HS3ST2: variants seen among roughly 807,000 people sequenced by gnomAD.
HS3ST2 encodes heparan sulfate-glucosamine 3-sulfotransferase 2.
HS3ST2 carries 17 observed loss-of-function variants against 26.3 expected under a neutral mutation model. The ratio of observed to expected loss-of-function variants is 0.65; its 90% CI spans 0.44 to 0.97. HS3ST2 has a LOEUF of 0.97. HS3ST2 is among the 50% of genes least tolerant of loss of function. The probability of loss-of-function intolerance (pLI) is 0.00; values close to 1 mark genes in which losing one functional copy is unlikely to be tolerated. For synonymous variants in HS3ST2, 237 were observed against 219.2 expected (o/e 1.08, Z -0.72); for missense variants, 402 against 501.2 (o/e 0.80, Z 1.89).
intron 1 of HS3ST2, among the ~76,000 whole-genome samples, chr16:22,905,040 G>A (rs1041276419): frequency 1.3e-5 from 2 of 152,138 alleles, no homozygotes; most frequent in Admixed American, 6.5e-5. Context: ...CTCCTCTTCC[G>A]CTCTTAATTA....
chr16:22,828,496 A>T (rs1901122714), intron 1 of HS3ST2, among the ~76,000 whole-genome samples: 1 of 152,168 alleles, frequency 6.6e-6, no homozygotes, highest in South Asian at 2.1e-4. Context: ...CAAAATCTGA[A>T]TCTCTCCGAC....
rs140325375 is a variant in HS3ST2 at position 22,864,214 on chromosome 16, G to A, written c.485+49119G>A. Among the ~76,000 whole-genome samples the A allele has an allele frequency of 3.6e-4, 55 of 152,276 alleles. 1 individual carries two copies. The highest frequency in any genetic ancestry group is 1.1e-3 in the African/African-American group (46 of 41,554). On this transcript the variant is annotated intron_variant, in intron 1 of 1. Coordinates refer to ENST00000261374, the MANE Select transcript of HS3ST2 (RefSeq NM_006043.2). Reference sequence around the variant, plus strand: ...ATAATTTCTTTTACTTCTGGAGGAGGTGTTATGATGGATGCCTGACCCTCA... The same window carrying A: ...ATAATTTCTTTTACTTCTGGAGGAGATGTTATGATGGATGCCTGACCCTCA...
intron 1 of HS3ST2, among the ~76,000 whole-genome samples, chr16:22,845,880 C>T (rs1901424384): frequency 1.3e-5 from 2 of 152,152 alleles, no homozygotes; most frequent in Admixed American, 6.5e-5. Context: ...ACAAAAGGCC[C>T]TTATTGTCTG....
chr16:22,842,574 T>C (rs1236019772), intron 1 of HS3ST2, among the ~76,000 whole-genome samples: 1 of 152,204 alleles, frequency 6.6e-6, no homozygotes, highest in South Asian at 2.1e-4. Context: ...TACTTATTTA[T>C]ATTTTTATCA....
intron 1 of HS3ST2, among the ~76,000 whole-genome samples, chr16:22,863,234 GT>G (rs1195683741): frequency 3.9e-5 from 6 of 152,190 alleles, no homozygotes; most frequent in African/African-American, 1.4e-4. Flanking sequence ...TTGCCGATTT[GT>G]TCCTGCCTTG....
chr16:22,822,104 A>T (rs1420671354), intron 1 of HS3ST2, among the ~76,000 whole-genome samples: 1 of 152,156 alleles, frequency 6.6e-6, no homozygotes, highest in African/African-American at 2.4e-5. Context: ...TGGCATAGTT[A>T]TTTGGGAGGG....
chr16:22,894,253 C>T (rs909175992), intron 1 of HS3ST2, among the ~76,000 whole-genome samples: 1 of 152,168 alleles, frequency 6.6e-6, no homozygotes, highest in African/African-American at 2.4e-5. Flanking sequence ...TAGCTTGGTG[C>T]CTCACCCCGT....
chr16:22,884,662 A>ATATATATATATATAT (rs1177910895), intron 1 of HS3ST2, among the ~76,000 whole-genome samples: 1 of 135,498 alleles, frequency 7.4e-6, no homozygotes, highest in Non-Finnish European at 1.6e-5. Flanking sequence ...AGAAAAAAAT[A>ATATATATATATATAT]TATATATATA....
chr16:22,848,614 C>T (rs767846395), intron 1 of HS3ST2, among the ~76,000 whole-genome samples: 2 of 152,172 alleles, frequency 1.3e-5, no homozygotes, highest in Non-Finnish European at 2.9e-5. Context: ...CCTTCACATA[C>T]GCCTCCACAA....
In HS3ST2 at chr16:22,903,638, A is replaced by G. The variant is rs138995437; in HGVS notation, c.486-11306A>G. ...CGAGGCAAGTGTTTACTGGGCACCT[A>G]CTATACACCAGGGGTACAAAGATAA... On this transcript the variant is annotated intron_variant, in intron 1 of 1. Coordinates refer to ENST00000261374, the MANE Select transcript of HS3ST2 (RefSeq NM_006043.2). Among the ~76,000 whole-genome samples the G allele has an allele frequency of 4.2e-3, 640 of 152,326 alleles. 6 individuals carry two copies. The highest frequency in any genetic ancestry group is 0.015 in the African/African-American group (615 of 41,576).
intron 1 of HS3ST2, among the ~76,000 whole-genome samples, chr16:22,827,468 T>C (rs567793162): frequency 8.9e-4 from 135 of 152,224 alleles, no homozygotes; most frequent in African/African-American, 3.2e-3. Context: ...GCTAGGGGGC[T>C]GTTGCAAAAG....
At chr16:22,913,153 AGGG>A in intron 1 of HS3ST2, among the ~76,000 whole-genome samples, 8 of 33,336 alleles carry the variant, frequency 2.4e-4, no homozygotes, top group African/African-American at 8.9e-4. Context: ...GAAGGAAGGG[AGGG>A]AGGGAGGGAG....
At chr16:22,845,423 C>G (rs1901417538) in intron 1 of HS3ST2, among the ~76,000 whole-genome samples, 1 of 142,016 alleles carries the variant, frequency 7.0e-6, no homozygotes, top group African/African-American at 2.9e-5. Flanking sequence ...GTGATCTCGG[C>G]TCACTGTAAC....
intron 1 of HS3ST2, among the ~76,000 whole-genome samples, chr16:22,876,753 C>T (rs1214647819): frequency 1.3e-5 from 2 of 151,994 alleles, no homozygotes; most frequent in Non-Finnish European, 2.9e-5. Flanking sequence ...TCAATGAGTG[C>T]ATAAAGAAAA....
chr16:22,861,790 C>T (rs1438616755), intron 1 of HS3ST2, among the ~76,000 whole-genome samples: 1 of 152,132 alleles, frequency 6.6e-6, no homozygotes, highest in Non-Finnish European at 1.5e-5. Flanking sequence ...CCCTTGCTCA[C>T]CACCCTCCAA....
chr16:22,820,688 G>A (rs1900979181), intron 1 of HS3ST2, among the ~76,000 whole-genome samples: 1 of 152,234 alleles, frequency 6.6e-6, no homozygotes, highest in Non-Finnish European at 1.5e-5. Context: ...ACAACATGTG[G>A]GAATTATGGG....
In HS3ST2 at chr16:22,814,514, G is replaced by C. The variant is rs1900822067; in HGVS notation, c.-97G>C. The stretch of plus-strand genomic sequence containing the variant: ...ACGCCCGACCCGCGTGGCCGTGGCA[G>C]CGCCACGCGAGCCCTCTAGGCGACC... On this transcript the variant is annotated 5_prime_UTR_variant, in exon 1 of 2. Transcript: ENST00000261374. The C allele has an allele frequency of 1.5e-6, 2 of 1,337,852 alleles. No individual in the cohort carries two copies. Among genetic ancestry groups the C allele is most frequent in the Non-Finnish European group, 1.9e-6 (2 of 1,033,294 alleles). The allele number at this position is 1,337,852 out of a possible 1,614,324, so 82.9% of individuals were successfully genotyped here.
At position 22,837,834 on chromosome 16, in the gene HS3ST2, G is replaced by A. The variant is rs146162573; in HGVS notation, c.485+22739G>A. On this transcript the variant is annotated intron_variant, in intron 1 of 1. Coordinates refer to ENST00000261374, the MANE Select transcript of HS3ST2 (RefSeq NM_006043.2). ...CTAAATATCTTATTTTACTATACTC[G>A]TTCTTCTTGTGATGATGTGAGATGA... 1.6e-4 allele frequency among the ~76,000 whole-genome samples: 24 copies of A among 151,800 alleles called. 1 individual carries two copies. In the East Asian group the frequency reaches 1.9e-3, roughly 12 times the overall value.
intron 1 of HS3ST2, among the ~76,000 whole-genome samples, chr16:22,893,909 C>T (rs549598990): frequency 1.3e-5 from 2 of 152,204 alleles, no homozygotes; most frequent in South Asian, 2.1e-4. Context: ...ACCTCAGCCT[C>T]CCAAGCAGCT....
Sources: gnomAD v4.1 joint callset for allele counts (sites outside exome capture counted in the v4.1 genomes callset) on GRCh38, gnomAD v4.1.1 for gene constraint, MANE v1.5 for transcripts, NCBI Gene and HGNC (gene_info 2026-07-23, HGNC 2026-07-21) for gene names.